CAST: variants seen among roughly 807,000 people sequenced by gnomAD.
CAST encodes the protein MIR583 host.
CAST carries 76 observed loss-of-function variants against 119.6 expected under a neutral mutation model. The ratio of observed to expected loss-of-function variants is 0.64; its 90% CI spans 0.53 to 0.77. The LOEUF is 0.77. Ranked by LOEUF, CAST falls within the 30% of genes least tolerant of loss-of-function variation. CAST has a pLI of 0.00. For missense variants in CAST, 953 were observed against 946.5 expected, an observed-to-expected ratio of 1.01 and a Z score of -0.09; for synonymous variants, 319 against 331.6, an observed-to-expected ratio of 0.96 and a Z score of 0.41.
chr5:96,330,431 G>A, the CAST span, among the ~76,000 whole-genome samples: 1 of 152,196 alleles, frequency 6.6e-6, no homozygotes, highest in Admixed American at 6.5e-5. Flanking sequence ...ACATGGTGAT[G>A]TCTCAAGGGG....
the CAST span, among the ~76,000 whole-genome samples, chr5:96,023,858 T>C: frequency 4.6e-5 from 7 of 152,188 alleles, no homozygotes; most frequent in Admixed American, 1.3e-4. Context: ...AACTTTACTT[T>C]CAGAGGCCTG....
the CAST span, among the ~76,000 whole-genome samples, chr5:96,446,556 A>C: frequency 1.3e-5 from 2 of 152,358 alleles, no homozygotes; most frequent in East Asian, 3.9e-4. Flanking sequence ...AGGGTTTTAA[A>C]CCAAGAACAC....
At chr5:96,544,708 T>C (rs1355896046) in intron 1 of CAST, among the ~76,000 whole-genome samples, 2 of 151,728 alleles carry the variant, frequency 1.3e-5, no homozygotes, top group Non-Finnish European at 2.9e-5. Context: ...TTTAGAAAAA[T>C]AAGTGCAATG....
At chr5:96,035,920 G>T in the CAST span, among the ~76,000 whole-genome samples, 10 of 152,048 alleles carry the variant, frequency 6.6e-5, no homozygotes, top group Middle Eastern at 3.4e-3. Flanking sequence ...AGCTACTTTG[G>T]TATGATGAAC....
At chr5:96,370,649 C>G in the CAST span, among the ~76,000 whole-genome samples, 1 of 151,200 alleles carries the variant, frequency 6.6e-6, no homozygotes, top group Non-Finnish European at 1.5e-5. Flanking sequence ...TATTCCAGCT[C>G]TCTTCATATT....
the CAST span, among the ~76,000 whole-genome samples, chr5:96,196,006 G>C: frequency 1.3e-5 from 2 of 152,160 alleles, no homozygotes; most frequent in Non-Finnish European, 2.9e-5. Context: ...GAATAGGGCA[G>C]AATGGAAGCA....
chr5:96,355,626 A>C, the CAST span, among the ~76,000 whole-genome samples: 4 of 152,172 alleles, frequency 2.6e-5, no homozygotes, highest in African/African-American at 9.7e-5. Context: ...AATAGTTGAA[A>C]TAATTTACAC....
At chr5:96,467,815 A>G in the CAST span, among the ~76,000 whole-genome samples, 1 of 152,224 alleles carries the variant, frequency 6.6e-6, no homozygotes, top group South Asian at 2.1e-4. Context: ...CTCTATAAAA[A>G]AACAATACGG....
chr5:96,697,148 C>T lies in CAST; in HGVS notation c.210+1241C>T, dbSNP rs537631328. ...GCGCCACTGCACTCCAGCCTTGTAA[C>T]AAAGTGAGACCCTGTCTCAAAAAAA... On this transcript the variant is annotated intron_variant, in intron 3 of 31. Transcript: ENST00000675179. Among the ~76,000 whole-genome samples the T allele has an allele frequency of 6.6e-5, 10 of 151,910 alleles. No homozygotes were observed. The South Asian group carries it at 1.5e-3, about 22-fold the overall frequency.
chr5:96,646,905 A>T (rs1748020828), intron 1 of CAST, among the ~76,000 whole-genome samples: 1 of 152,224 alleles, frequency 6.6e-6, no homozygotes, highest in African/African-American at 2.4e-5. Flanking sequence ...TCACTTAGCC[A>T]AACGATAGGA....
chr5:96,463,982 T>C, the CAST span, among the ~76,000 whole-genome samples: 1 of 152,000 alleles, frequency 6.6e-6, no homozygotes, highest in East Asian at 1.9e-4. Flanking sequence ...GAGAAGAAAA[T>C]TTTGGAGGAG....
the CAST span, among the ~76,000 whole-genome samples, chr5:96,140,805 T>C: frequency 2.6e-3 from 402 of 152,312 alleles, 1 homozygote; most frequent in African/African-American, 9.3e-3. Context: ...ACCTGGTCTT[T>C]CCAACTTCAT....
the CAST span, among the ~76,000 whole-genome samples, chr5:96,235,781 C>T: frequency 6.6e-6 from 1 of 152,152 alleles, no homozygotes; most frequent in East Asian, 1.9e-4. Flanking sequence ...CAGAAATTCC[C>T]TGCCTCTGAA....
chr5:96,435,104 G>A, the CAST span, among the ~76,000 whole-genome samples: 1 of 152,214 alleles, frequency 6.6e-6, no homozygotes, highest in Non-Finnish European at 1.5e-5. Flanking sequence ...ACAGCAGACA[G>A]ACACTAACTG....
the CAST span, among the ~76,000 whole-genome samples, chr5:96,099,958 T>C: frequency 3.0e-4 from 45 of 152,350 alleles, no homozygotes; most frequent in African/African-American, 1.0e-3. Flanking sequence ...CTTCTGGTCC[T>C]GGCCTGTTTT....
upstream of CAST, among the ~76,000 whole-genome samples, chr5:96,661,723 T>C (rs1486335512): frequency 6.6e-6 from 1 of 152,242 alleles, no homozygotes; most frequent in Admixed American, 6.5e-5. Flanking sequence ...CTAGAAAGAC[T>C]ATAAGGGTTT....
intron 1 of CAST, among the ~76,000 whole-genome samples, chr5:96,656,117 CT>C (rs567189603): frequency 1.3e-4 from 20 of 152,228 alleles, no homozygotes; most frequent in African/African-American, 4.8e-4. Flanking sequence ...TTCCATGAAA[CT>C]TCATGTTCAA....
the CAST span, among the ~76,000 whole-genome samples, chr5:96,399,494 TAAAG>T: frequency 6.6e-6 from 1 of 152,084 alleles, no homozygotes; most frequent in South Asian, 2.1e-4. Context: ...AAGTGTATGA[TAAAG>T]AATCCCTCAT....
the CAST span, among the ~76,000 whole-genome samples, chr5:96,163,007 C>T: frequency 2.6e-5 from 4 of 152,138 alleles, no homozygotes; most frequent in East Asian, 1.9e-4. Flanking sequence ...TAGAATTCAG[C>T]GGTGAATTCT....
Sources: allele counts gnomAD v4.1 joint callset (sites outside exome capture counted in the v4.1 genomes callset), GRCh38; gene constraint gnomAD v4.1.1; transcripts MANE v1.5; gene names NCBI Gene and HGNC (gene_info 2026-07-23, HGNC 2026-07-21).